The following SMCHD1 variants were observed in gnomAD, a reference collection of about 807,000 sequenced individuals.
SMCHD1 encodes the protein structural maintenance of chromosomes flexible hinge domain-containing protein 1.
Under a neutral mutation model 254.7 loss-of-function variants are expected in SMCHD1, and 78 were observed. The ratio of observed to expected loss-of-function variants is 0.31; its 90% confidence interval spans 0.26 to 0.37. The LOEUF is 0.37. Ranked by LOEUF, SMCHD1 falls within the 10% of genes least tolerant of loss-of-function variation. The pLI, the probability that SMCHD1 is intolerant of heterozygous loss-of-function variation, is 1.00. For synonymous variants in SMCHD1, 766 were observed against 794.9 expected, an observed-to-expected ratio of 0.96 and a Z score of 0.61; for missense variants, 1,840 against 2,408.1, an observed-to-expected ratio of 0.76 and a Z score of 4.94.
chr18:2,721,167 GTC>G (rs2074918673), intron 19 of SMCHD1, among the ~76,000 whole-genome samples: 1 of 152,106 alleles, frequency 6.6e-6, no homozygotes, highest in Admixed American at 6.5e-5. Flanking sequence ...ATCAGATTCA[GTC>G]TCTGCTTGCT....
At chr18:2,767,763 G>A (rs199834847) in intron 37 of SMCHD1, among the ~76,000 whole-genome samples, 3 of 150,962 alleles carry the variant, frequency 2.0e-5, no homozygotes, top group African/African-American at 7.3e-5. Flanking sequence ...GCTGATTTTT[G>A]TTTTTTCAGT....
chr18:2,762,766 C>T (rs1598417030), intron 36 of SMCHD1, among the ~76,000 whole-genome samples: 1 of 152,116 alleles, frequency 6.6e-6, no homozygotes, highest in Non-Finnish European at 1.5e-5. Flanking sequence ...GGGATTACAG[C>T]TGTGAACCAC....
intron 32 of SMCHD1, among the ~76,000 whole-genome samples, chr18:2,750,791 CAAT>C (rs1422907886): frequency 9.2e-5 from 14 of 151,954 alleles, no homozygotes; most frequent in African/African-American, 3.4e-4. Context: ...AAATTGTTGA[CAAT>C]AATTTTTAAT....
intron 13 of SMCHD1, among the ~76,000 whole-genome samples, 171 bp downstream of exon 13, chr18:2,704,057 A>G (rs1216769273): frequency 6.6e-6 from 1 of 152,166 alleles, no homozygotes; most frequent in Non-Finnish European, 1.5e-5. Flanking sequence ...GTTTGACATC[A>G]GTGTCTTCCA....
rs1406643850 is a variant in SMCHD1, at chr18:2,762,099, T to G, written c.4435-6T>G. On this transcript the variant is annotated splice_region_variant and splice_polypyrimidine_tract_variant and intron_variant, in intron 35 of 47. Coordinates refer to ENST00000320876, the MANE Select transcript of SMCHD1 (RefSeq NM_015295.3). ...GTTAATCAGAATGTCTCTTTTGTTTTGTAAGGTTATAGTTGAAGTCCTGCC... is the reference window on the plus strand; with the variant it reads ...GTTAATCAGAATGTCTCTTTTGTTTGGTAAGGTTATAGTTGAAGTCCTGCC... 1 of 1,612,384 alleles carries G rather than the reference T, an allele frequency of 6.2e-7. No individual in the cohort carries two copies. Among genetic ancestry groups the G allele is most frequent in the South Asian group, 1.1e-5 (1 of 90,938 alleles).
At chr18:2,734,261 G>C (rs1281679084) in intron 25 of SMCHD1, among the ~76,000 whole-genome samples, 1 of 152,048 alleles carries the variant, frequency 6.6e-6, no homozygotes, top group Non-Finnish European at 1.5e-5. Flanking sequence ...TGGTGCCAGG[G>C]ATGTGGCTTC....
chr18:2,761,087 G>A (rs2075774990), intron 35 of SMCHD1, among the ~76,000 whole-genome samples: 1 of 152,122 alleles, frequency 6.6e-6, no homozygotes, highest in Non-Finnish European at 1.5e-5. Context: ...GCCATAACAA[G>A]AGAACGAAAT....
In SMCHD1 at chr18:2,804,043, T is replaced by G. The variant is rs1369178817; in HGVS notation, c.*1491T>G. 7 of 152,214 alleles carry G rather than the reference T, an allele frequency of 4.6e-5. No homozygotes were observed. Among genetic ancestry groups the G allele is most frequent in the Non-Finnish European group, 1.0e-4 (7 of 68,038 alleles). The allele number at this position is 152,214 out of a possible 1,614,324, so 9.4% of individuals were successfully genotyped here. A position where few individuals can be genotyped will look rare whatever the true frequency, so the allele number is the denominator to read the frequency against. On this transcript the variant is annotated 3_prime_UTR_variant, in exon 48 of 48. Coordinates refer to ENST00000320876, the MANE Select transcript of SMCHD1 (RefSeq NM_015295.3). ...TTGTTTCTGACTTTTAGATTAGGGATACTCACCCCGTACCAATATTTGGAG... is the reference window on the plus strand; with the variant it reads ...TTGTTTCTGACTTTTAGATTAGGGAGACTCACCCCGTACCAATATTTGGAG...
chr18:2,726,646 T>C (rs1384680175), intron 22 of SMCHD1, 122 bp downstream of exon 22: 18 of 413,310 alleles, frequency 4.4e-5, no homozygotes, highest in Non-Finnish European at 7.6e-5. Context: ...TACACTTAAA[T>C]GTCAAACCAT....
chr18:2,795,494 TACACTTAC>T, intron 45 of SMCHD1, among the ~76,000 whole-genome samples: 1 of 152,244 alleles, frequency 6.6e-6, no homozygotes, highest in East Asian at 1.9e-4. Context: ...CACTGTCAGT[TACACTTAC>T]ACATCTTTTT....
rs368587938 is a variant in SMCHD1 at position 2,662,196 on chromosome 18, T to G, written c.187-3961T>G. 6.4e-4 allele frequency among the ~76,000 whole-genome samples: 51 copies of G among 79,826 alleles called. 1 individual carries two copies. Among genetic ancestry groups the G allele is most frequent in the Middle Eastern group, 8.8e-3 (1 of 114 alleles). The allele number at this position is 79,826 out of a possible 152,430, so 52.4% of individuals were successfully genotyped here. A position where few individuals can be genotyped will look rare whatever the true frequency, so the allele number is the denominator to read the frequency against. ...AAAAAAAATAAAATAAATAAATAAATAAATAAAGAAAGAAAGAAAGAAAGA... is the reference window on the plus strand; with the variant it reads ...AAAAAAAATAAAATAAATAAATAAAGAAATAAAGAAAGAAAGAAAGAAAGA... On this transcript the variant is annotated intron_variant, in intron 1 of 47. Transcript: ENST00000320876.
intron 5 of SMCHD1, among the ~76,000 whole-genome samples, chr18:2,684,700 A>AGTGTGTGTGTGTGTGTGTGT (rs71365193): frequency 0.011 from 1,244 of 115,520 alleles, 22 homozygotes; most frequent in Admixed American, 0.02. Context: ...TTGCAGATTC[A>AGTGTGTGTGTGTGTGTGTGT]GTGTGTGTGT....
At chr18:2,680,654 C>T (rs561157876) in intron 5 of SMCHD1, among the ~76,000 whole-genome samples, 4 of 152,272 alleles carry the variant, frequency 2.6e-5, no homozygotes, top group East Asian at 1.9e-4. Context: ...TAGTTCTGCA[C>T]GTGGAAATGA....
chr18:2,705,709 A>T lies in SMCHD1; in HGVS notation c.1858A>T (p.Thr620Ser), dbSNP rs1423351860. 6.3e-7 allele frequency: 1 copy of T among 1,587,894 alleles called. No homozygotes were observed. Among genetic ancestry groups the T allele is most frequent in the Non-Finnish European group, 8.6e-7 (1 of 1,159,586 alleles). ...KAGQLVKTIK[T>S]LPLFYGSIVR... ...TAAATATTAGGTCAAGACAATCAAG[A>T]CACTTCCCCTCTTTTATGGAAGCAT... Residue 620 changes from threonine (T) to serine (S), a missense_variant, in exon 14 of 48, where the codon ACA becomes TCA. Around this residue, in one of 9 missense-constraint regions of SMCHD1, gnomAD observed 498 missense variants for 743.5 expected, o/e 0.67. Coordinates refer to ENST00000320876, the MANE Select transcript of SMCHD1 (RefSeq NM_015295.3).
intron 45 of SMCHD1, among the ~76,000 whole-genome samples, chr18:2,790,864 G>A (rs1003735285): frequency 1.3e-5 from 2 of 152,120 alleles, no homozygotes; most frequent in African/African-American, 2.4e-5. Context: ...CTTTATCTAA[G>A]TATCAGAATA....
Position 2,718,164 on chromosome 18 carries a change from G to T in SMCHD1, c.2267G>T (p.Ser756Ile). The T allele has an allele frequency of 1.2e-6, 2 of 1,606,010 alleles. No homozygotes were observed. The highest frequency in any genetic ancestry group is 8.5e-7 in the Non-Finnish European group (1 of 1,176,424). ...TCTTTTTTCTTTTATTAAGCTTCAA[G>T]TGGAAATAAAGAGATTATTTCGCAT... is the stretch of plus-strand genomic sequence containing the variant. ...VELKVILHSS[S>I]GNKEIISHIS... is the part of the protein sequence containing the mutation. Residue 756 changes from serine (S) to isoleucine (I), a missense_variant, in exon 18 of 48, where the codon AGT (serine) becomes ATT (isoleucine). Transcript: ENST00000320876. This position sits in a 1 kb window ranked among gnomAD's most constrained non-coding sequence, Gnocchi z 4.6.
chr18:2,761,036 A>G (rs938166630), intron 35 of SMCHD1, among the ~76,000 whole-genome samples: 1 of 152,208 alleles, frequency 6.6e-6, no homozygotes, highest in Non-Finnish European at 1.5e-5. Flanking sequence ...AAAGTTGCTT[A>G]TATCAACCAT....
At chr18:2,772,134 T>G in intron 40 of SMCHD1, 116 bp from the exon 41 acceptor site, 1 of 849,970 alleles carries the variant, frequency 1.2e-6, no homozygotes, top group Non-Finnish European at 1.6e-6. Context: ...TAATGCCTAC[T>G]TACCAACTTT....
At chr18:2,708,437 A>G (rs2074572119) in intron 17 of SMCHD1, among the ~76,000 whole-genome samples, 1 of 152,160 alleles carries the variant, frequency 6.6e-6, no homozygotes, top group South Asian at 2.1e-4. Flanking sequence ...AGGCTGAGGC[A>G]GGAAAATTGC....
Sources: allele counts gnomAD v4.1 joint callset (sites outside exome capture counted in the v4.1 genomes callset), GRCh38; gene constraint gnomAD v4.1.1; regional missense constraint gnomAD v4.1.1; non-coding constraint Gnocchi (gnomAD v3.1); transcripts MANE v1.5; gene names NCBI Gene and HGNC (gene_info 2026-07-23, HGNC 2026-07-21).